The following PLXNC1 variants were observed in gnomAD, a reference collection of about 807,000 sequenced individuals.
PLXNC1 encodes plexin-C1.
Under a neutral mutation model 178.2 loss-of-function variants are expected in PLXNC1, and 75 were observed. The observed-to-expected ratio is 0.42, with a 90% CI of 0.35 to 0.51. PLXNC1 has a LOEUF of 0.51. Among genes scored for constraint, PLXNC1 ranks in the 20% least tolerant of loss-of-function variants. The pLI is 0.02. For missense variants in PLXNC1, 1,503 were observed against 1,984.4 expected, an observed-to-expected ratio of 0.76 and a Z score of 4.61; for synonymous variants, 790 against 779.9, an observed-to-expected ratio of 1.01 and a Z score of -0.22.
chr12:94,287,860 C>CT (rs2136175752), intron 23 of PLXNC1, among the ~76,000 whole-genome samples: 1 of 152,340 alleles, frequency 6.6e-6, no homozygotes, highest in South Asian at 2.1e-4. Flanking sequence ...GGGTACTGTT[C>CT]TAGGGCTTTG....
At chr12:94,293,504 T>A (rs1186728132) in intron 23 of PLXNC1, among the ~76,000 whole-genome samples, 1 of 152,252 alleles carries the variant, frequency 6.6e-6, no homozygotes, top group East Asian at 1.9e-4. Context: ...GTTCACTGTC[T>A]GGGCAAAGTA....
chr12:94,304,593 T>A (rs955089303), intron 30 of PLXNC1, among the ~76,000 whole-genome samples: 9 of 152,122 alleles, frequency 5.9e-5, no homozygotes, highest in African/African-American at 1.9e-4. Context: ...CCTTCCCTGA[T>A]TCCCCCCCAA....
rs762331339 is a variant in PLXNC1 at position 94,149,978 on chromosome 12, T to G, written c.1007T>G (p.Ile336Ser). The G allele has an allele frequency of 6.3e-7, 1 of 1,595,292 alleles. No individual in the cohort carries two copies. The highest frequency in any genetic ancestry group is 8.5e-7 in the Non-Finnish European group (1 of 1,172,146). Residue 336 changes from isoleucine to serine, a missense_variant, in exon 1 of 31, where the codon ATC becomes AGC. Transcript: ENST00000258526. Reference sequence around the variant, plus strand: ...CTCTGCCTCTTCAGAATGAGTGAGATCCAGGCGCGCGCCAAGAGGGTCAGC... The same window carrying G: ...CTCTGCCTCTTCAGAATGAGTGAGAGCCAGGCGCGCGCCAAGAGGGTCAGC... ...TALCLFRMSE[I>S]QARAKRVSWD...
At chr12:94,213,312 C>T (rs1963548780) in intron 5 of PLXNC1, among the ~76,000 whole-genome samples, 1 of 152,230 alleles carries the variant, frequency 6.6e-6, no homozygotes, top group Non-Finnish European at 1.5e-5. Flanking sequence ...TCTTCAGCAT[C>T]TGTTTTTTCC....
chr12:94,299,055 G>T (rs1409663032), intron 27 of PLXNC1, among the ~76,000 whole-genome samples: 1 of 152,180 alleles, frequency 6.6e-6, no homozygotes, highest in Non-Finnish European at 1.5e-5. Flanking sequence ...AATGTTAAAA[G>T]AAATTTAAGT....
At chr12:94,273,920 G>A (rs1397509253) in intron 21 of PLXNC1, among the ~76,000 whole-genome samples, 1 of 152,024 alleles carries the variant, frequency 6.6e-6, no homozygotes, top group Non-Finnish European at 1.5e-5. Flanking sequence ...CCTACATTCC[G>A]TGGTGTCAGA....
At chr12:94,166,526 A>G (rs1961617473) in intron 1 of PLXNC1, among the ~76,000 whole-genome samples, 1 of 2,910 alleles carries the variant, frequency 3.4e-4, no homozygotes, top group Admixed American at 2.6e-3. Context: ...GTTAGCTGGT[A>G]TTATTATTAT....
At chr12:94,204,168 G>A (rs1963227728) in intron 4 of PLXNC1, among the ~76,000 whole-genome samples, 1 of 152,184 alleles carries the variant, frequency 6.6e-6, no homozygotes, top group Admixed American at 6.5e-5. Context: ...AAGACAGATG[G>A]GCTCAGTCAC....
At chr12:94,294,791 C>T (rs976803354) in intron 24 of PLXNC1, among the ~76,000 whole-genome samples, 1 of 152,120 alleles carries the variant, frequency 6.6e-6, no homozygotes, top group Non-Finnish European at 1.5e-5. Context: ...TCTTTATAGC[C>T]CTAAACTCAG....
intron 1 of PLXNC1, among the ~76,000 whole-genome samples, chr12:94,157,230 G>A (rs1451577249): frequency 6.6e-6 from 1 of 152,196 alleles, no homozygotes; most frequent in African/African-American, 2.4e-5. Context: ...TCCCCAGCAG[G>A]TGCTGCAGGT....
In PLXNC1 at chr12:94,199,001, G is replaced by A. The variant is rs561410853; in HGVS notation, c.1440-10589G>A. Among the ~76,000 whole-genome samples the A allele has an allele frequency of 2.6e-5, 4 of 152,214 alleles. No individual in the cohort carries two copies. In the South Asian group the frequency reaches 8.3e-4, roughly 32 times the overall value. The stretch of plus-strand genomic sequence containing the variant: ...AGATGGACAGTGTGAAAATAAATGA[G>A]GAAAGAGAGAACATGTCACAGAGTA... On this transcript the variant is annotated intron_variant, in intron 4 of 30. Transcript: ENST00000258526.
At chr12:94,156,581 G>A (rs1429152106) in intron 1 of PLXNC1, among the ~76,000 whole-genome samples, 7 of 151,368 alleles carry the variant, frequency 4.6e-5, no homozygotes, top group Admixed American at 3.3e-4. Context: ...GGATTCAAGC[G>A]ATTCTCCTGC....
intron 28 of PLXNC1, among the ~76,000 whole-genome samples, chr12:94,301,945 T>C (rs1404216956): frequency 2.0e-5 from 3 of 152,120 alleles, no homozygotes; most frequent in Non-Finnish European, 4.4e-5. Flanking sequence ...TGTCGCTCCC[T>C]CCTCCTTCCT....
rs1960875115 is a variant in PLXNC1, at chr12:94,149,739, C to T, written c.768C>T (p.Gly256=). Residue 256 remains glycine (G), a synonymous_variant, in exon 1 of 31, where the codon GGC becomes GGT. Transcript: ENST00000258526. ...FPYYPYNYTS[G]AATGWPSMAR... ...ACTACCCCTACAACTACACGAGCGG[C>T]GCTGCCACCGGCTGGCCCAGCATGG... 2 of 1,611,412 alleles carry T rather than the reference C, an allele frequency of 1.2e-6. No individual in the cohort carries two copies. Among genetic ancestry groups the T allele is most frequent in the African/African-American group, 2.7e-5 (2 of 74,870 alleles).
Position 94,181,527 on chromosome 12 carries a change from C to T in PLXNC1, c.1285C>T (p.Leu429Phe), listed in dbSNP as rs1962305360. ...AGAAGAGACACCTGTTTTCTACAAA[C>T]TCGTTCCTGATCCTGTGAAGAATAT... ...IKEETPVFYK[L>F]VPDPVKNIYI... Residue 429 changes from leucine to phenylalanine, a missense_variant, in exon 3 of 31, where the codon CTC becomes TTC. Leu to Phe is a conservative substitution (Grantham distance 22, BLOSUM62 0). Coordinates refer to ENST00000258526, the MANE Select transcript of PLXNC1 (RefSeq NM_005761.3). 1 of 1,607,256 alleles carries T rather than the reference C, an allele frequency of 6.2e-7. No homozygotes were observed. Among genetic ancestry groups the T allele is most frequent in the Non-Finnish European group, 8.5e-7 (1 of 1,174,352 alleles).
intron 10 of PLXNC1, among the ~76,000 whole-genome samples, chr12:94,239,696 A>G (rs189689109): frequency 6.6e-6 from 1 of 152,286 alleles, no homozygotes; most frequent in Admixed American, 6.5e-5. Flanking sequence ...CTTCGCTCTG[A>G]CTCTGAAAGG....
intron 21 of PLXNC1, chr12:94,278,082 G>A (rs1320502882): frequency 2.2e-6 from 1 of 455,892 alleles, no homozygotes; most frequent in East Asian, 7.0e-5. Flanking sequence ...CTCTGTATGG[G>A]CGAGCATCTT....
chr12:94,160,885 T>C (rs955640529), intron 1 of PLXNC1, among the ~76,000 whole-genome samples: 3 of 152,242 alleles, frequency 2.0e-5, no homozygotes, highest in African/African-American at 7.2e-5. Flanking sequence ...AATAGCAAGA[T>C]ATAGAGGCAG....
chr12:94,196,766 A>G (rs1962931120), intron 4 of PLXNC1, among the ~76,000 whole-genome samples: 1 of 152,188 alleles, frequency 6.6e-6, no homozygotes, highest in African/African-American at 2.4e-5. Flanking sequence ...CTTATCATAC[A>G]TTAGACACTA....
Sources: allele counts gnomAD v4.1 joint callset (sites outside exome capture counted in the v4.1 genomes callset), GRCh38; gene constraint gnomAD v4.1.1; transcripts MANE v1.5; gene names NCBI Gene and HGNC (gene_info 2026-07-23, HGNC 2026-07-21).